Variants in XPR1 observed in about 807,000 individuals in gnomAD.
XPR1 encodes the protein solute carrier family 53 member 1.
In XPR1, 28 loss-of-function variants were observed where a neutral mutation model predicts 87.5. That is an observed-to-expected ratio of 0.32 (90% CI 0.24 to 0.44). The LOEUF (loss-of-function observed/expected upper bound fraction) is 0.44, where lower values mean the gene tolerates loss of function less well. Ranked by LOEUF, XPR1 falls within the 20% of genes least tolerant of loss-of-function variation. The pLI, the probability that XPR1 is intolerant of heterozygous loss-of-function variation, is 1.00. For synonymous variants in XPR1, 300 were observed against 306.1 expected (o/e 0.98, Z 0.21); for missense variants, 559 against 862.3 (o/e 0.65, Z 4.41).
intron 2 of XPR1, among the ~76,000 whole-genome samples, chr1:180,703,464 G>A (rs575613064): frequency 2.0e-5 from 3 of 152,226 alleles, no homozygotes; most frequent in Admixed American, 1.3e-4. Context: ...GATGATGTGC[G>A]CAGGTGTTGG....
chr1:180,689,795 A>G (rs1656919338), intron 2 of XPR1, among the ~76,000 whole-genome samples: 1 of 152,180 alleles, frequency 6.6e-6, no homozygotes, highest in Non-Finnish European at 1.5e-5. Context: ...AGCTGGGTTT[A>G]GAGGATATTG....
intron 1 of XPR1, among the ~76,000 whole-genome samples, chr1:180,652,996 G>T (rs1260764404): frequency 6.6e-6 from 1 of 152,176 alleles, no homozygotes; most frequent in Non-Finnish European, 1.5e-5. Flanking sequence ...CACTCAAATG[G>T]TTTGCAATTT....
intron 2 of XPR1, among the ~76,000 whole-genome samples, chr1:180,685,564 C>G (rs568419387): frequency 6.6e-6 from 1 of 152,068 alleles, no homozygotes; most frequent in African/African-American, 2.4e-5. Context: ...AGGAATGGTA[C>G]CAGCTCCTCT....
intron 2 of XPR1, among the ~76,000 whole-genome samples, chr1:180,707,419 A>C (rs562016312): frequency 1.3e-5 from 2 of 152,346 alleles, no homozygotes; most frequent in East Asian, 3.9e-4. Context: ...TTCCACTTAT[A>C]AGTGAGAACA....
intron 3 of XPR1, among the ~76,000 whole-genome samples, chr1:180,797,569 T>C (rs1287664919): frequency 6.6e-6 from 1 of 152,222 alleles, no homozygotes; most frequent in Non-Finnish European, 1.5e-5. Flanking sequence ...CAGTTCTGAC[T>C]GAGGACATTA....
In XPR1 at chr1:180,656,522, T is replaced by TA. The variant is rs1557941664; in HGVS notation, c.69+24252_69+24253insA. Among the ~76,000 whole-genome samples the TA allele has an allele frequency of 8.4e-5, 6 of 71,372 alleles. 1 individual carries two copies. Among genetic ancestry groups the TA allele is most frequent in the Admixed American group, 4.6e-4 (2 of 4,332 alleles). 46.8% of individuals were successfully genotyped at this position (71,372 alleles called of 152,430 possible). A position where few individuals can be genotyped will look rare whatever the true frequency, so the allele number is the denominator to read the frequency against. ...TTATATATAATATTTATATATAATA[T>TA]TTATATATTATATATAATATTTATA... On this transcript the variant is annotated intron_variant, in intron 1 of 14. Coordinates refer to ENST00000367590, the MANE Select transcript of XPR1 (RefSeq NM_004736.4).
In XPR1 at chr1:180,659,225, CCTTCCTTCCTTCCTTCCTTCCTT is replaced by C. The variant is rs1298584075; in HGVS notation, c.70-23133_70-23111del. On this transcript the variant is annotated intron_variant, in intron 1 of 14. Coordinates refer to ENST00000367590, the MANE Select transcript of XPR1 (RefSeq NM_004736.4). ...TCCTTCCTTCCTTCCTTCCTTCCTT[CCTTCCTTCCTTCCTTCCTTCCTT>C]CCTCCCTCCCTCCCTCCCTCCCTCC... is the stretch of plus-strand genomic sequence containing the variant. 1.4e-4 allele frequency among the ~76,000 whole-genome samples: 4 copies of C among 28,536 alleles called. 1 individual carries two copies. Among genetic ancestry groups the C allele is most frequent in the Non-Finnish European group, 1.9e-4 (2 of 10,496 alleles). The allele number at this position is 28,536 out of a possible 152,430, so 18.7% of individuals were successfully genotyped here.
At chr1:180,859,368 A>G (rs973872092) in intron 11 of XPR1, among the ~76,000 whole-genome samples, 1 of 152,196 alleles carries the variant, frequency 6.6e-6, no homozygotes, top group Non-Finnish European at 1.5e-5. Flanking sequence ...TATGCTGCGA[A>G]TGTGGCAGGC....
At chr1:180,750,560 A>G (rs1647493392) in intron 2 of XPR1, among the ~76,000 whole-genome samples, 1 of 152,102 alleles carries the variant, frequency 6.6e-6, no homozygotes, top group African/African-American at 2.4e-5. Context: ...TCAATTGACC[A>G]TACATGTGTA....
chr1:180,789,737 A>G (rs1389971651), intron 3 of XPR1, among the ~76,000 whole-genome samples: 2 of 152,122 alleles, frequency 1.3e-5, no homozygotes, highest in South Asian at 2.1e-4. Context: ...TTTCTTCTCC[A>G]TCAATCATTT....
intron 11 of XPR1, among the ~76,000 whole-genome samples, chr1:180,851,834 G>A (rs1651877209): frequency 6.6e-6 from 1 of 152,028 alleles, no homozygotes; most frequent in Non-Finnish European, 1.5e-5. Context: ...AATCACTGAA[G>A]AGGTAACTTT....
chr1:180,852,574 G>A (rs1174782745), intron 11 of XPR1, among the ~76,000 whole-genome samples: 1 of 151,914 alleles, frequency 6.6e-6, no homozygotes. Context: ...TTTGAGACAG[G>A]GTCTCACTCT....
At chr1:180,769,372 G>GTTT (rs1249501150) in intron 2 of XPR1, among the ~76,000 whole-genome samples, 2 of 134,430 alleles carry the variant, frequency 1.5e-5, no homozygotes, top group African/African-American at 5.6e-5. Flanking sequence ...GTTTTTTTGT[G>GTTT]TTTTTTTTTT....
intron 3 of XPR1, among the ~76,000 whole-genome samples, chr1:180,790,182 C>T (rs1649320884): frequency 6.6e-6 from 1 of 152,104 alleles, no homozygotes; most frequent in South Asian, 2.1e-4. Flanking sequence ...TATTTTCCTC[C>T]AATCTTTGTA....
chr1:180,884,518 T>C lies in XPR1; in HGVS notation c.*452T>C, dbSNP rs982295218. 1 of 153,124 alleles carries C rather than the reference T, an allele frequency of 6.5e-6. No individual in the cohort carries two copies. The highest frequency in any genetic ancestry group is 2.4e-5 in the African/African-American group (1 of 41,472). 9.5% of individuals were successfully genotyped at this position (153,124 alleles called of 1,614,324 possible). On this transcript the variant is annotated 3_prime_UTR_variant, in exon 15 of 15. Coordinates refer to ENST00000367590, the MANE Select transcript of XPR1 (RefSeq NM_004736.4). ...TCAGTTTATGTGGAGAATTTTTTTC[T>C]TTCCTTCATACCCAGCGCAAAGGCA...
intron 1 of XPR1, among the ~76,000 whole-genome samples, chr1:180,644,176 G>A (rs957070418): frequency 2.0e-5 from 3 of 152,126 alleles, no homozygotes; most frequent in African/African-American, 7.2e-5. Context: ...TGTGAAGGGA[G>A]ATACATAATT....
chr1:180,656,523 T>TTATATATAATA (rs575312926), intron 1 of XPR1, among the ~76,000 whole-genome samples: 1 of 60,188 alleles, frequency 1.7e-5, no homozygotes, highest in African/African-American at 7.1e-5. Context: ...TATATAATAT[T>TTATATATAATA]TATATATTAT....
intron 11 of XPR1, among the ~76,000 whole-genome samples, chr1:180,853,130 G>T (rs142545648): frequency 9.9e-4 from 151 of 152,164 alleles, no homozygotes; most frequent in African/African-American, 3.3e-3. Flanking sequence ...TATTCGCCAC[G>T]TTAGCCAAGC....
chr1:180,773,710 A>T (rs940743436), intron 2 of XPR1, among the ~76,000 whole-genome samples: 2 of 140,810 alleles, frequency 1.4e-5, no homozygotes, highest in Non-Finnish European at 3.2e-5. Flanking sequence ...CCCTTTTCTA[A>T]GATGGCATGT....
Sources: allele counts gnomAD v4.1 joint callset (sites outside exome capture counted in the v4.1 genomes callset), GRCh38; gene constraint gnomAD v4.1.1; transcripts MANE v1.5; gene names NCBI Gene and HGNC (gene_info 2026-07-23, HGNC 2026-07-21).